The following TRPC4 variants were observed in gnomAD, a reference collection of about 807,000 sequenced individuals.
The protein encoded by TRPC4 is transient receptor potential cation channel subfamily C member 4.
In TRPC4, 49 loss-of-function variants were observed where a neutral mutation model predicts 99.4. The observed-to-expected ratio is 0.49, with a 90% CI of 0.39 to 0.63. The LOEUF (loss-of-function observed/expected upper bound fraction) is 0.63. TRPC4 is among the 20% of genes least tolerant of loss of function. TRPC4 has a pLI of 0.00. For synonymous variants in TRPC4, 454 were observed against 425.9 expected, an observed-to-expected ratio of 1.07 and a Z score of -0.81; for missense variants, 898 against 1,152.9, an observed-to-expected ratio of 0.78 and a Z score of 3.20.
At chr13:37,776,954 G>A (rs1478416800) in intron 2 of TRPC4, among the ~76,000 whole-genome samples, 2 of 151,772 alleles carry the variant, frequency 1.3e-5, no homozygotes, top group African/African-American at 4.8e-5. Flanking sequence ...TATATTTTGG[G>A]TTATATATTT....
At chr13:37,676,635 T>C (rs999789275) in intron 4 of TRPC4, among the ~76,000 whole-genome samples, 2 of 152,046 alleles carry the variant, frequency 1.3e-5, no homozygotes, top group African/African-American at 4.8e-5. Context: ...CCTCCCAAAG[T>C]GCTGGGATTA....
chr13:37,699,716 C>T (rs7999722), intron 3 of TRPC4, among the ~76,000 whole-genome samples: 1,704 of 152,242 alleles, frequency 0.011, 28 homozygotes, highest in African/African-American at 0.039. Context: ...ATTTGCAGAT[C>T]AGGATTCAAG....
chr13:37,688,500 T>G (rs1017666718), intron 4 of TRPC4, among the ~76,000 whole-genome samples: 9 of 152,214 alleles, frequency 5.9e-5, no homozygotes, highest in Non-Finnish European at 1.2e-4. Flanking sequence ...AAGGTTAGGC[T>G]TTAAAGTTAG....
chr13:37,745,507 TGTATATATATAC>T (rs1566138569), intron 3 of TRPC4, among the ~76,000 whole-genome samples: 5 of 128,642 alleles, frequency 3.9e-5, no homozygotes, highest in Admixed American at 1.7e-4. Context: ...TACGTATATA[TGTATATATATAC>T]GTATATATGT....
At position 37,637,433 on chromosome 13, in the gene TRPC4, G is replaced by T; in HGVS notation, c.2404C>A (p.Leu802Met). Residue 802 changes from leucine to methionine, a missense_variant, in exon 11 of 11, where the codon CTG (leucine) becomes ATG (methionine). By Grantham distance (15) the Leu-to-Met change is conservative (BLOSUM62 2). Transcript: ENST00000379705. ...ATTGCTGCTGATCTCGGATGAATCA[G>T]GGTGGTTAAATCAAAAAGGCTGAAA... is the stretch of plus-strand genomic sequence containing the variant. ...KNFSLFDLTTLIHPRSAAIAS... is the reference protein window; with the variant it reads ...KNFSLFDLTTMIHPRSAAIAS... The T allele has an allele frequency of 6.2e-7, 1 of 1,613,700 alleles. No homozygotes were observed.
chr13:37,666,354 T>G (rs1284222237), intron 5 of TRPC4, among the ~76,000 whole-genome samples: 1 of 152,212 alleles, frequency 6.6e-6, no homozygotes, highest in Non-Finnish European at 1.5e-5. Context: ...GACTGGGGCA[T>G]GGGGAACCAG....
chr13:37,865,460 T>C (rs2139737246), intron 1 of TRPC4, among the ~76,000 whole-genome samples: 1 of 151,636 alleles, frequency 6.6e-6, no homozygotes, highest in East Asian at 1.9e-4. Flanking sequence ...TTTTTTTCTT[T>C]TTACATGTAT....
At chr13:37,639,806 A>T (rs1173033677) in intron 8 of TRPC4, among the ~76,000 whole-genome samples, 2 of 151,202 alleles carry the variant, frequency 1.3e-5, no homozygotes, top group Non-Finnish European at 2.9e-5. Flanking sequence ...GTTTAAATAG[A>T]TGGCTGGATT....
Position 37,842,343 on chromosome 13 carries a change from CAAAAAAAAAA to C in TRPC4, c.-28+27242_-28+27251del, listed in dbSNP as rs57428116. On this transcript the variant is annotated intron_variant, in intron 1 of 10. Coordinates refer to ENST00000379705, the MANE Select transcript of TRPC4 (RefSeq NM_016179.4). Reference sequence around the variant, plus strand: ...CTAGCAATTAATGATAGCGTCTAGCCAAAAAAAAAAAAAAAAAAAAAAAAAAAGGAAAAGG... The same window carrying C: ...CTAGCAATTAATGATAGCGTCTAGCCAAAAAAAAAAAAAAAAAGGAAAAGG... Among the ~76,000 whole-genome samples the C allele has an allele frequency of 3.9e-3, 61 of 15,634 alleles. 1 individual carries two copies. The highest frequency in any genetic ancestry group is 9.2e-4 in the Non-Finnish European group (7 of 7,580). The allele number at this position is 15,634 out of a possible 152,430, so 10.3% of individuals were successfully genotyped here. A position where few individuals can be genotyped will look rare whatever the true frequency, so the allele number is the denominator to read the frequency against.
In TRPC4 at chr13:37,692,027, G is replaced by A. The variant is rs1392334042; in HGVS notation, c.1206C>T (p.Val402=). The stretch of plus-strand genomic sequence containing the variant: ...GGACCCACGGTAATATCATCCACTC[G>A]ACGATGGTTGGTGGTGGACCTTGCC... ...LNRQGPPPTI[V]EWMILPWVLG... The change falls in exon 4 of 11, where the codon GTC becomes GTT. Residue 402 remains valine, a synonymous_variant. Transcript: ENST00000379705. The A allele has an allele frequency of 2.5e-6, 4 of 1,613,836 alleles. No homozygotes were observed. Among genetic ancestry groups the A allele is most frequent in the South Asian group, 1.1e-5 (1 of 91,060 alleles).
intron 1 of TRPC4, among the ~76,000 whole-genome samples, chr13:37,796,973 G>GAATAAAA: frequency 9.8e-6 from 1 of 101,768 alleles, no homozygotes; most frequent in South Asian, 3.3e-4. Flanking sequence ...ATAAAATAAA[G>GAATAAAA]TAAAGTAAAG....
In TRPC4 at chr13:37,708,225, A is replaced by G. The variant is rs192872705; in HGVS notation, c.898-15890T>C. Among the ~76,000 whole-genome samples, 5 of 152,238 alleles carry G rather than the reference A, an allele frequency of 3.3e-5. No individual in the cohort carries two copies. In the East Asian group the frequency reaches 5.8e-4, roughly 18 times the overall value. ...GTGGAAATAAGTAAAAGCTATAAGG[A>G]GATTTAAAAATGCTCAAGAATTTCT... On this transcript the variant is annotated intron_variant, in intron 3 of 10. Coordinates refer to ENST00000379705, the MANE Select transcript of TRPC4 (RefSeq NM_016179.4).
At chr13:37,741,080 T>A (rs1955576129) in intron 3 of TRPC4, among the ~76,000 whole-genome samples, 1 of 152,194 alleles carries the variant, frequency 6.6e-6, no homozygotes, top group African/African-American at 2.4e-5. Flanking sequence ...TGAATTGTAA[T>A]GTTTTTAGAC....
At chr13:37,686,019 T>C (rs1213944261) in intron 4 of TRPC4, among the ~76,000 whole-genome samples, 2 of 152,112 alleles carry the variant, frequency 1.3e-5, no homozygotes, top group Non-Finnish European at 2.9e-5. Context: ...AATAAATGGG[T>C]AGTCTGCAGC....
At chr13:37,712,078 C>G (rs1396466830) in intron 3 of TRPC4, among the ~76,000 whole-genome samples, 1 of 151,726 alleles carries the variant, frequency 6.6e-6, no homozygotes, top group Non-Finnish European at 1.5e-5. Flanking sequence ...TGGCTAGTGG[C>G]TACGATATTG....
At chr13:37,767,625 A>C (rs1348642184) in intron 2 of TRPC4, among the ~76,000 whole-genome samples, 2 of 151,364 alleles carry the variant, frequency 1.3e-5, no homozygotes, top group Non-Finnish European at 3.0e-5. Flanking sequence ...AAAGGTGTTA[A>C]TAATCTTGGT....
At chr13:37,778,335 A>G (rs534271681) in intron 2 of TRPC4, among the ~76,000 whole-genome samples, 1 of 152,166 alleles carries the variant, frequency 6.6e-6, no homozygotes, top group African/African-American at 2.4e-5. Flanking sequence ...CTACTTTCAT[A>G]GGATAATATA....
intron 6 of TRPC4, 114 bp downstream of exon 6, chr13:37,663,302 A>G (rs1952515422): frequency 9.8e-7 from 1 of 1,016,362 alleles, no homozygotes; most frequent in Non-Finnish European, 1.4e-6. Context: ...CATTAAGCAC[A>G]ATTTTAGTTC....
In TRPC4 at chr13:37,637,136, C is replaced by A. The variant is rs1400463054; in HGVS notation, c.2701G>T (p.Gly901Cys). The A allele has an allele frequency of 6.2e-7, 1 of 1,613,698 alleles. No homozygotes were observed. Among genetic ancestry groups the A allele is most frequent in the Non-Finnish European group, 8.5e-7 (1 of 1,179,814 alleles). Reference protein sequence around the residue: ...LASRGDLSIPGLSEQCVLVDH... With the variant: ...LASRGDLSIPCLSEQCVLVDH... ...ACTAACACACATTGTTCACTGAGAC[C>A]GGGAATGCTCAGGTCACCCCGTGAA... Residue 901 changes from glycine (G) to cysteine (C), a missense_variant, in exon 11 of 11, where the codon GGT becomes TGT. By Grantham distance (159) the Gly-to-Cys change is radical. Transcript: ENST00000379705.
Sources: gnomAD v4.1 joint callset for allele counts (sites outside exome capture counted in the v4.1 genomes callset) on GRCh38, gnomAD v4.1.1 for gene constraint, MANE v1.5 for transcripts, NCBI Gene and HGNC (gene_info 2026-07-23, HGNC 2026-07-21) for gene names.